RIN2: variants seen among roughly 807,000 people sequenced by gnomAD.
RIN2 encodes the protein Ras and Rab interactor 2.
In RIN2, 36 loss-of-function variants were observed where a neutral mutation model predicts 78.0. The observed-to-expected ratio is 0.46, with a 90% CI of 0.35 to 0.61. The LOEUF is 0.61. Ranked by LOEUF, RIN2 falls within the 20% of genes least tolerant of loss-of-function variation. The pLI is 0.00. For synonymous variants in RIN2, 466 were observed against 466.8 expected, an observed-to-expected ratio of 1.00 and a Z score of 0.02; for missense variants, 1,087 against 1,159.7, an observed-to-expected ratio of 0.94 and a Z score of 0.91.
At chr20:19,902,648 G>A (rs1017319570) in intron 3 of RIN2, among the ~76,000 whole-genome samples, 2 of 152,238 alleles carry the variant, frequency 1.3e-5, no homozygotes, top group South Asian at 2.1e-4. Flanking sequence ...TTCTGCTTGC[G>A]CTGGGTAATT....
At chr20:19,824,685 AAG>A (rs972028558) in intron 2 of RIN2, among the ~76,000 whole-genome samples, 57 of 152,312 alleles carry the variant, frequency 3.7e-4, no homozygotes, top group African/African-American at 1.3e-3. Context: ...GAATCTCTAA[AAG>A]AGAGATTTTC....
At position 19,956,677 on chromosome 20, in the gene RIN2, A is replaced by T; in HGVS notation, c.221A>T (p.Asp74Val). The change falls in exon 5 of 13, where the codon GAC (aspartate) becomes GTC (valine). Residue 74 changes from aspartate (D) to valine (V), a missense_variant. Transcript: ENST00000255006. ...EEEDVKTCAR[D>V]SGYDSLSNRL... The stretch of plus-strand genomic sequence containing the variant: ...GAGGACGTGAAGACCTGTGCCCGGG[A>T]CTCAGGCTATGACAGCCTCTCCAAC... The T allele has an allele frequency of 6.2e-7, 1 of 1,613,030 alleles. No individual in the cohort carries two copies. Among genetic ancestry groups the T allele is most frequent in the Non-Finnish European group, 8.5e-7 (1 of 1,179,572 alleles).
intron 2 of RIN2, among the ~76,000 whole-genome samples, chr20:19,876,908 AAAAAAC>A (rs2037873925): frequency 6.6e-6 from 1 of 151,496 alleles, no homozygotes; most frequent in Non-Finnish European, 1.5e-5. Context: ...TCTCAAAAAA[AAAAAAC>A]AAAAAACAAA....
intron 3 of RIN2, among the ~76,000 whole-genome samples, chr20:19,914,526 T>C (rs1205020796): frequency 6.6e-6 from 1 of 152,192 alleles, no homozygotes; most frequent in East Asian, 1.9e-4. Flanking sequence ...ATTAAATTAG[T>C]GAATCGATGT....
At chr20:19,912,945 G>A (rs1383748390) in intron 3 of RIN2, among the ~76,000 whole-genome samples, 2 of 152,212 alleles carry the variant, frequency 1.3e-5, no homozygotes, top group African/African-American at 4.8e-5. Context: ...AGCGTGCGGT[G>A]CACAGGCTGA....
chr20:19,931,902 A>C (rs2040456492), intron 3 of RIN2, among the ~76,000 whole-genome samples: 1 of 152,190 alleles, frequency 6.6e-6, no homozygotes, highest in South Asian at 2.1e-4. Context: ...ATATTCTTGC[A>C]AAGGTATCTT....
rs202065181 is a variant in RIN2, at chr20:19,851,042, GAAGGAAGGAGAA to G, written c.-36-38522_-36-38511del. Among the ~76,000 whole-genome samples the G allele has an allele frequency of 8.5e-3, 631 of 74,150 alleles. 5 individuals carry two copies. Among genetic ancestry groups the G allele is most frequent in the East Asian group, 0.023 (47 of 2,002 alleles). 48.6% of individuals were successfully genotyped at this position (74,150 alleles called of 152,430 possible). A position where few individuals can be genotyped will look rare whatever the true frequency, so the allele number is the denominator to read the frequency against. On this transcript the variant is annotated intron_variant, in intron 2 of 12. Transcript: ENST00000255006. Reference sequence around the variant, plus strand: ...GGAAGGAAGGAAGGAAGGAAGGAAGGAAGGAAGGAGAAAGAAAGGAAGGAAGGAAGGAAGGAA... The same window carrying G: ...GGAAGGAAGGAAGGAAGGAAGGAAGGAGAAAGGAAGGAAGGAAGGAAGGAA...
chr20:19,924,233 C>CT (rs2040075725), intron 3 of RIN2, among the ~76,000 whole-genome samples: 2 of 38,154 alleles, frequency 5.2e-5, no homozygotes, highest in African/African-American at 3.4e-4. Flanking sequence ...ACCTTCCATA[C>CT]CCCACCTTCA....
intron 2 of RIN2, among the ~76,000 whole-genome samples, chr20:19,832,909 CTG>C (rs1347992317): frequency 3.3e-5 from 5 of 152,166 alleles, no homozygotes; most frequent in African/African-American, 1.2e-4. Flanking sequence ...CCTCTTAACA[CTG>C]TTGCACTGAG....
At chr20:19,891,814 G>A (rs1236935000) in intron 3 of RIN2, among the ~76,000 whole-genome samples, 3 of 152,070 alleles carry the variant, frequency 2.0e-5, no homozygotes, top group African/African-American at 4.8e-5. Context: ...GGGCAACAGA[G>A]CAAGACTCCA....
chr20:19,778,451 G>T (rs1163766885), intron 1 of RIN2, among the ~76,000 whole-genome samples: 1 of 152,226 alleles, frequency 6.6e-6, no homozygotes, highest in Non-Finnish European at 1.5e-5. Flanking sequence ...GGTACTCACA[G>T]TTTTGTGGGG....
chr20:19,872,786 A>G (rs761699219), intron 2 of RIN2, among the ~76,000 whole-genome samples: 19 of 152,208 alleles, frequency 1.2e-4, no homozygotes, highest in Non-Finnish European at 2.1e-4. Flanking sequence ...TGGACATTGG[A>G]AACTACAAAA....
At chr20:19,946,796 C>T (rs1415548411) in intron 4 of RIN2, among the ~76,000 whole-genome samples, 8 of 151,188 alleles carry the variant, frequency 5.3e-5, no homozygotes, top group African/African-American at 1.7e-4. Flanking sequence ...TTTGGGAGGC[C>T]GAGGTGGGTG....
At chr20:19,815,817 G>A (rs1015698049) in intron 2 of RIN2, among the ~76,000 whole-genome samples, 2 of 152,280 alleles carry the variant, frequency 1.3e-5, no homozygotes, top group East Asian at 3.9e-4. Context: ...GGTCAGCATC[G>A]GCTCAAACAA....
At chr20:19,971,059 A>G (rs1568681170) in intron 8 of RIN2, 130 bp downstream of exon 8, 2 of 673,496 alleles carry the variant, frequency 3.0e-6, no homozygotes, top group Non-Finnish European at 5.1e-6. Flanking sequence ...TGGGCTATCC[A>G]AAATGTTGAC....
At chr20:19,957,707 A>T (rs199560) in intron 5 of RIN2, among the ~76,000 whole-genome samples, 44,008 of 152,076 alleles carry the variant, frequency 0.29, 6,709 homozygotes, top group East Asian at 0.47. Context: ...TGGTATCTCT[A>T]GTGCTATCCA....
chr20:19,929,292 G>A (rs1208127633), intron 3 of RIN2, among the ~76,000 whole-genome samples: 1 of 152,180 alleles, frequency 6.6e-6, no homozygotes, highest in Non-Finnish European at 1.5e-5. Context: ...AAGTGGGTCT[G>A]GAGAAACTTC....
chr20:19,792,368 T>C (rs1322796914), intron 1 of RIN2, among the ~76,000 whole-genome samples: 1 of 152,222 alleles, frequency 6.6e-6, no homozygotes, highest in Non-Finnish European at 1.5e-5. Context: ...TGAGGCCTCA[T>C]AGTGTCATTT....
chr20:19,888,392 C>T (rs6046414), intron 2 of RIN2, among the ~76,000 whole-genome samples: 5 of 152,214 alleles, frequency 3.3e-5, no homozygotes, highest in Admixed American at 6.5e-5. Flanking sequence ...TCATGCTTTT[C>T]CACTTGTTGA....
Sources: gnomAD v4.1 joint callset for allele counts (sites outside exome capture counted in the v4.1 genomes callset) on GRCh38, gnomAD v4.1.1 for gene constraint, MANE v1.5 for transcripts, NCBI Gene and HGNC (gene_info 2026-07-23, HGNC 2026-07-21) for gene names.